INPP4B: variants seen among roughly 807,000 people sequenced by gnomAD.
The protein encoded by INPP4B is inositol polyphosphate-4-phosphatase type II B.
Under a neutral mutation model 122.5 loss-of-function variants are expected in INPP4B, and 55 were observed. That is an observed-to-expected ratio of 0.45 (90% confidence interval 0.36 to 0.56). The LOEUF (loss-of-function observed/expected upper bound fraction) is 0.56. INPP4B is among the 20% of genes least tolerant of loss of function. The pLI, the probability that INPP4B is intolerant of heterozygous loss-of-function variation, is 0.00. For missense variants in INPP4B, 1,000 were observed against 1,097.7 expected, an observed-to-expected ratio of 0.91 and a Z score of 1.26; for synonymous variants, 403 against 388.7, an observed-to-expected ratio of 1.04 and a Z score of -0.43.
intron 23 of INPP4B, among the ~76,000 whole-genome samples, chr4:142,088,128 A>G (rs1229773415): frequency 1.3e-5 from 2 of 152,234 alleles, no homozygotes; most frequent in Non-Finnish European, 1.5e-5. Flanking sequence ...TCTCTGATAT[A>G]CAGGAATTTT....
At chr4:142,398,107 G>A (rs532674925) in intron 7 of INPP4B, among the ~76,000 whole-genome samples, 11 of 151,456 alleles carry the variant, frequency 7.3e-5, no homozygotes, top group African/African-American at 2.7e-4. Context: ...TGGGCGCGGT[G>A]GCTCACGCCT....
At chr4:142,711,762 TG>T (rs1763146816) in intron 2 of INPP4B, among the ~76,000 whole-genome samples, 1 of 152,022 alleles carries the variant, frequency 6.6e-6, no homozygotes, top group Non-Finnish European at 1.5e-5. Flanking sequence ...ATATAAGAGG[TG>T]TAGGCTGGGC....
intron 15 of INPP4B, among the ~76,000 whole-genome samples, chr4:142,175,737 C>T (rs1404415974): frequency 1.3e-5 from 2 of 152,032 alleles, no homozygotes; most frequent in Non-Finnish European, 2.9e-5. Context: ...GTAGTAAGGA[C>T]TTTACAAAAG....
chr4:142,080,750 G>A (rs984372924), intron 25 of INPP4B, among the ~76,000 whole-genome samples: 2 of 152,082 alleles, frequency 1.3e-5, no homozygotes, highest in Non-Finnish European at 2.9e-5. Context: ...ACCTAAATCA[G>A]TTTAGTCCCA....
At chr4:142,320,982 C>G (rs895385043) in intron 7 of INPP4B, among the ~76,000 whole-genome samples, 1 of 152,178 alleles carries the variant, frequency 6.6e-6, no homozygotes, top group Non-Finnish European at 1.5e-5. Flanking sequence ...GGTAGATACC[C>G]AGTCGTGGGA....
intron 15 of INPP4B, among the ~76,000 whole-genome samples, chr4:142,174,772 A>G (rs1391339520): frequency 6.6e-6 from 1 of 151,980 alleles, no homozygotes; most frequent in Non-Finnish European, 1.5e-5. Flanking sequence ...CTACAGGTAC[A>G]AGCCATCACA....
At position 142,567,645 on chromosome 4, in the gene INPP4B, T is replaced by C. The variant is rs1029178936; in HGVS notation, c.-190-104919A>G. ...AATATTTTTTCTTATTTCTGATACC[T>C]GTAATAACAGTGAAATAGATATATA... On this transcript the variant is annotated intron_variant, in intron 2 of 25. Coordinates refer to ENST00000262992, the MANE Select transcript of INPP4B (RefSeq NM_001101669.3). 2.6e-5 allele frequency among the ~76,000 whole-genome samples: 4 copies of C among 152,144 alleles called. No homozygotes were observed. The East Asian group carries it at 7.7e-4, about 29-fold the overall frequency.
At chr4:142,532,725 A>G (rs187084180) in intron 2 of INPP4B, among the ~76,000 whole-genome samples, 1 of 152,334 alleles carries the variant, frequency 6.6e-6, no homozygotes, top group African/African-American at 2.4e-5. Flanking sequence ...AATGAGTATA[A>G]AAATGGAATA....
At position 142,729,873 on chromosome 4, in the gene INPP4B, T is replaced by C. The variant is rs567982289; in HGVS notation, c.-253-3972A>G. 2.6e-5 allele frequency among the ~76,000 whole-genome samples: 4 copies of C among 152,220 alleles called. No homozygotes were observed. The East Asian group carries it at 5.8e-4, about 22-fold the overall frequency. Reference sequence around the variant, plus strand: ...GAGGAATCTAACAACCCCTGAAAAATAGATGAATCCCCATTCAGAATCTTT... The same window carrying C: ...GAGGAATCTAACAACCCCTGAAAAACAGATGAATCCCCATTCAGAATCTTT... On this transcript the variant is annotated intron_variant, in intron 1 of 25. Coordinates refer to ENST00000262992, the MANE Select transcript of INPP4B (RefSeq NM_001101669.3).
chr4:142,210,987 G>A (rs557193255), intron 12 of INPP4B, among the ~76,000 whole-genome samples: 43 of 152,218 alleles, frequency 2.8e-4, no homozygotes, highest in Admixed American at 1.2e-3. Context: ...CATAACTTTT[G>A]TTTAAAATGT....
intron 5 of INPP4B, among the ~76,000 whole-genome samples, chr4:142,422,270 A>G (rs1404350723): frequency 1.3e-5 from 2 of 152,146 alleles, no homozygotes; most frequent in Non-Finnish European, 2.9e-5. Flanking sequence ...TTAGAACAGC[A>G]TATGGCAAAC....
intron 1 of INPP4B, among the ~76,000 whole-genome samples, chr4:142,728,590 T>G (rs1701787112): frequency 6.6e-6 from 1 of 152,082 alleles, no homozygotes; most frequent in Non-Finnish European, 1.5e-5. Context: ...TGGACATACA[T>G]GGAGAAGAGA....
At chr4:142,069,703 C>T (rs11726664) in intron 25 of INPP4B, among the ~76,000 whole-genome samples, 8,790 of 152,238 alleles carry the variant, frequency 0.058, 274 homozygotes, top group Middle Eastern at 0.095. Context: ...ATACTATAAA[C>T]ACCTCTACAC....
intron 2 of INPP4B, among the ~76,000 whole-genome samples, chr4:142,540,680 G>A (rs1419492747): frequency 5.9e-5 from 9 of 152,070 alleles, no homozygotes; most frequent in South Asian, 2.1e-4. Context: ...GTTGTGCTAC[G>A]AATATTCTAG....
chr4:142,172,883 C>T (rs1032920810), intron 16 of INPP4B, among the ~76,000 whole-genome samples: 1 of 151,920 alleles, frequency 6.6e-6, no homozygotes, highest in Non-Finnish European at 1.5e-5. Context: ...CCTTAAAATG[C>T]ACAGGTGAAG....
chr4:142,320,785 G>T (rs1022743077), intron 7 of INPP4B, among the ~76,000 whole-genome samples: 6 of 152,090 alleles, frequency 3.9e-5, no homozygotes, highest in African/African-American at 4.8e-5. Context: ...TTAGAATAAT[G>T]GTCTGCACCT....
intron 7 of INPP4B, among the ~76,000 whole-genome samples, chr4:142,321,521 G>T (rs981227218): frequency 4.6e-5 from 7 of 152,022 alleles, no homozygotes; most frequent in Non-Finnish European, 1.0e-4. Context: ...TGTCGAGAAG[G>T]GTTTTTCTAA....
chr4:142,705,050 C>G (rs549785820), intron 2 of INPP4B, among the ~76,000 whole-genome samples: 1 of 152,210 alleles, frequency 6.6e-6, no homozygotes, highest in South Asian at 2.1e-4. Flanking sequence ...TTCACCATAC[C>G]CTTTCTGGTT....
intron 25 of INPP4B, among the ~76,000 whole-genome samples, chr4:142,050,398 A>T (rs1435782375): frequency 6.6e-6 from 1 of 151,984 alleles, no homozygotes; most frequent in Non-Finnish European, 1.5e-5. Context: ...TTCTAATAAG[A>T]AGTATTTCAA....
Sources: gnomAD v4.1 joint callset for allele counts (sites outside exome capture counted in the v4.1 genomes callset) on GRCh38, gnomAD v4.1.1 for gene constraint, MANE v1.5 for transcripts, NCBI Gene and HGNC (gene_info 2026-07-23, HGNC 2026-07-21) for gene names.